Variants in MTMR7 observed in about 807,000 individuals in gnomAD.
MTMR7 encodes the protein phosphatidylinositol-3-phosphate phosphatase MTMR7.
MTMR7 carries 76 observed loss-of-function variants against 81.2 expected under a neutral mutation model. The observed-to-expected ratio is 0.94, with a 90% CI of 0.78 to 1.13. The LOEUF (loss-of-function observed/expected upper bound fraction) is 1.13, where lower values mean the gene tolerates loss of function less well. Ranked by LOEUF, MTMR7 falls within the 50% of genes most tolerant of loss-of-function variation. MTMR7 has a pLI of 0.00. For synonymous variants in MTMR7, 372 were observed against 289.8 expected (o/e 1.28, Z -2.88); for missense variants, 1,044 against 820.0 (o/e 1.27, Z -3.34).
intron 1 of MTMR7, among the ~76,000 whole-genome samples, chr8:17,389,275 A>C (rs1211492082): frequency 6.6e-6 from 1 of 152,154 alleles, no homozygotes; most frequent in Non-Finnish European, 1.5e-5. Context: ...ACACTACTTC[A>C]TTACACGCTA....
chr8:17,331,811 C>G (rs1819018153), intron 6 of MTMR7, among the ~76,000 whole-genome samples: 1 of 152,186 alleles, frequency 6.6e-6, no homozygotes, highest in Non-Finnish European at 1.5e-5. Context: ...GCAGGAATTA[C>G]TGAATAAAAT....
chr8:17,370,278 C>T (rs1259778408), intron 3 of MTMR7, among the ~76,000 whole-genome samples: 1 of 151,868 alleles, frequency 6.6e-6, no homozygotes, highest in Non-Finnish European at 1.5e-5. Flanking sequence ...AATCCGAGCA[C>T]TTGAGGCCGA....
chr8:17,379,857 G>C (rs1236278576), intron 1 of MTMR7, among the ~76,000 whole-genome samples: 1 of 152,100 alleles, frequency 6.6e-6, no homozygotes, highest in Non-Finnish European at 1.5e-5. Flanking sequence ...GGGATGGAGT[G>C]AACAAATCTA....
intron 5 of MTMR7, among the ~76,000 whole-genome samples, chr8:17,348,409 G>A (rs762227229): frequency 2.0e-5 from 3 of 151,828 alleles, no homozygotes; most frequent in Non-Finnish European, 2.9e-5. Flanking sequence ...AATTAGCTGG[G>A]CATGTTGGCA....
chr8:17,391,007 T>G (rs183665637), intron 1 of MTMR7, among the ~76,000 whole-genome samples: 1 of 152,134 alleles, frequency 6.6e-6, no homozygotes, highest in Non-Finnish European at 1.5e-5. Context: ...GATATTTCAG[T>G]AGAGAACCAG....
At chr8:17,334,110 T>G (rs1017075605) in intron 6 of MTMR7, among the ~76,000 whole-genome samples, 1 of 152,208 alleles carries the variant, frequency 6.6e-6, no homozygotes, top group Admixed American at 6.5e-5. Flanking sequence ...AATAACCTCC[T>G]GAACATCAAT....
At chr8:17,390,682 G>A (rs3762652) in intron 1 of MTMR7, among the ~76,000 whole-genome samples, 1 of 152,142 alleles carries the variant, frequency 6.6e-6, no homozygotes, top group African/African-American at 2.4e-5. Flanking sequence ...GCATGGCTGG[G>A]GAGGCCTCAG....
intron 5 of MTMR7, among the ~76,000 whole-genome samples, chr8:17,345,531 C>T (rs1481454342): frequency 6.6e-6 from 1 of 152,252 alleles, no homozygotes; most frequent in East Asian, 1.9e-4. Flanking sequence ...TTCATCTCAC[C>T]TGCCCAGTGT....
At chr8:17,374,194 T>C (rs1479393895) in intron 1 of MTMR7, among the ~76,000 whole-genome samples, 1 of 152,216 alleles carries the variant, frequency 6.6e-6, no homozygotes, top group Non-Finnish European at 1.5e-5. Flanking sequence ...TCAGTTTAAA[T>C]AGAAGCTGTG....
intron 7 of MTMR7, among the ~76,000 whole-genome samples, chr8:17,320,148 A>G (rs188714800): frequency 1.6e-4 from 25 of 152,100 alleles, no homozygotes; most frequent in Admixed American, 3.3e-4. Flanking sequence ...ATATATTTAC[A>G]TAACATATGA....
chr8:17,384,429 ATAAT>A (rs1264714306), intron 1 of MTMR7, among the ~76,000 whole-genome samples: 1 of 152,184 alleles, frequency 6.6e-6, no homozygotes, highest in African/African-American at 2.4e-5. Flanking sequence ...AAATAAATAA[ATAAT>A]TATTAACAAA....
intron 4 of MTMR7, among the ~76,000 whole-genome samples, chr8:17,360,810 G>T (rs764070757): frequency 2.0e-5 from 3 of 152,112 alleles, no homozygotes; most frequent in African/African-American, 4.8e-5. Flanking sequence ...ATGGGAGAAT[G>T]AGATCCAGGC....
intron 10 of MTMR7, among the ~76,000 whole-genome samples, chr8:17,308,613 T>A (rs990969370): frequency 6.6e-6 from 1 of 152,160 alleles, no homozygotes; most frequent in East Asian, 1.9e-4. Context: ...CTAAACTAAG[T>A]ACAGCTATAC....
At chr8:17,378,211 T>G (rs930929272) in intron 1 of MTMR7, among the ~76,000 whole-genome samples, 4 of 152,108 alleles carry the variant, frequency 2.6e-5, no homozygotes, top group African/African-American at 7.2e-5. Context: ...AAAAGTAATT[T>G]TGAAGATACA....
intron 6 of MTMR7, among the ~76,000 whole-genome samples, chr8:17,335,636 T>C (rs927981059): frequency 2.6e-5 from 4 of 152,176 alleles, no homozygotes; most frequent in Admixed American, 6.5e-5. Flanking sequence ...TGACGGTCTT[T>C]CTCTCTCCCT....
chr8:17,410,168 C>T (rs1271005383), intron 1 of MTMR7, among the ~76,000 whole-genome samples: 2 of 152,134 alleles, frequency 1.3e-5, no homozygotes, highest in African/African-American at 4.8e-5. Context: ...GGAGACCAGT[C>T]AGGGTCAGAC....
intron 6 of MTMR7, among the ~76,000 whole-genome samples, chr8:17,331,697 A>T (rs1819012144): frequency 6.6e-6 from 1 of 152,234 alleles, no homozygotes; most frequent in South Asian, 2.1e-4. Context: ...ATACATTATT[A>T]TATCTTCTAG....
intron 4 of MTMR7, among the ~76,000 whole-genome samples, chr8:17,360,478 GT>G (rs79253452): frequency 6.3e-4 from 90 of 143,526 alleles, no homozygotes; most frequent in Admixed American, 3.4e-3. Context: ...TGGGTTTGGG[GT>G]TTTTTTTTTT....
At chr8:17,322,466 T>C (rs1341583410) in intron 7 of MTMR7, among the ~76,000 whole-genome samples, 1 of 152,230 alleles carries the variant, frequency 6.6e-6, no homozygotes. Context: ...ATCCTAGGTT[T>C]AACACGTGGT....
Sources: allele counts gnomAD v4.1 joint callset (sites outside exome capture counted in the v4.1 genomes callset), GRCh38; gene constraint gnomAD v4.1.1; transcripts MANE v1.5; gene names NCBI Gene and HGNC (gene_info 2026-07-23, HGNC 2026-07-21).